FHIT: variants seen among roughly 807,000 people sequenced by gnomAD.
FHIT encodes the protein fragile histidine triad diadenosine triphosphatase.
FHIT carries 19 observed loss-of-function variants against 17.9 expected under a neutral mutation model. That is an observed-to-expected ratio of 1.06 (90% CI 0.74 to 1.56). The LOEUF is 1.56. Ranked by LOEUF, FHIT falls within the 40% of genes most tolerant of loss-of-function variation. The pLI, the probability that FHIT is intolerant of heterozygous loss-of-function variation, is 0.00. For synonymous variants in FHIT, 81 were observed against 69.7 expected (o/e 1.16, Z -0.81); for missense variants, 248 against 189.2 (o/e 1.31, Z -1.82).
intron 5 of FHIT, among the ~76,000 whole-genome samples, chr3:60,030,636 T>C (rs1467366526): frequency 1.3e-5 from 2 of 152,208 alleles, no homozygotes; most frequent in Non-Finnish European, 2.9e-5. Context: ...AAATCAGGAA[T>C]GTCTGCTTCT....
intron 3 of FHIT, among the ~76,000 whole-genome samples, chr3:60,875,114 A>T (rs1190059785): frequency 6.6e-6 from 1 of 152,066 alleles, no homozygotes; most frequent in Non-Finnish European, 1.5e-5. Context: ...CCAGGACCCA[A>T]ATCCCTCTAG....
At chr3:60,819,043 T>TC (rs1346405218) in intron 4 of FHIT, among the ~76,000 whole-genome samples, 16 of 151,334 alleles carry the variant, frequency 1.1e-4, no homozygotes, top group African/African-American at 3.6e-4. Context: ...CTTTTCTTTT[T>TC]TTTTTTTTTG....
intron 5 of FHIT, among the ~76,000 whole-genome samples, chr3:60,531,423 C>A (rs3856655): frequency 0.29 from 44,106 of 151,366 alleles, 6,635 homozygotes; most frequent in Admixed American, 0.35. Context: ...GGACTACAGG[C>A]GCCCGCTACC....
At chr3:60,159,041 T>C (rs950172217) in intron 5 of FHIT, among the ~76,000 whole-genome samples, 1 of 152,104 alleles carries the variant, frequency 6.6e-6, no homozygotes, top group Non-Finnish European at 1.5e-5. Context: ...CCTTTTTCAT[T>C]ATTACCCCCC....
intron 5 of FHIT, among the ~76,000 whole-genome samples, chr3:60,276,281 C>T (rs879257307): frequency 2.6e-5 from 4 of 152,144 alleles, no homozygotes; most frequent in Non-Finnish European, 5.9e-5. Context: ...CCACTGCACC[C>T]GGCCTGTTTT....
chr3:60,860,690 G>T (rs782293057), intron 3 of FHIT, among the ~76,000 whole-genome samples: 1 of 112,160 alleles, frequency 8.9e-6, no homozygotes, highest in African/African-American at 3.2e-5. Flanking sequence ...ATATATATCA[G>T]GTATATATGT....
rs1354396901 is a variant in FHIT at position 61,206,271 on chromosome 3, T to C, written c.-212-5606A>G. 2.3e-5 allele frequency among the ~76,000 whole-genome samples: 3 copies of C among 131,278 alleles called. 1 individual carries two copies. In the Admixed American group the frequency reaches 2.6e-4, roughly 11 times the overall value. 86.1% of individuals were successfully genotyped at this position (131,278 alleles called of 152,430 possible). ...TAGTGTGATGCCTCCAGCTCTGTTC[T>C]TTTGGCTTAGGATTGACTTGGTGAT... On this transcript the variant is annotated intron_variant, in intron 1 of 9. Coordinates refer to ENST00000492590, the MANE Select transcript of FHIT (RefSeq NM_002012.4).
intron 4 of FHIT, among the ~76,000 whole-genome samples, chr3:60,628,418 ATC>A (rs1185842900): frequency 8.5e-5 from 13 of 152,064 alleles, no homozygotes; most frequent in African/African-American, 2.9e-4. Flanking sequence ...TGAAGGTTTT[ATC>A]TCTTTCTCTG....
At chr3:61,037,235 T>TTG (rs1183951010) in intron 3 of FHIT, among the ~76,000 whole-genome samples, 1 of 152,126 alleles carries the variant, frequency 6.6e-6, no homozygotes, top group African/African-American at 2.4e-5. Context: ...TATGCAAACT[T>TTG]TGACCGCTTA....
In FHIT at chr3:60,524,420, C is replaced by A. The variant is rs78562836; in HGVS notation, c.103+12440G>T. On this transcript the variant is annotated intron_variant, in intron 5 of 9. Transcript: ENST00000492590. ...TATGTACATCTGGGGAATTGGCATTCCACGAAGAATAAACAGCTGCTGGTT... is the reference window on the plus strand; with the variant it reads ...TATGTACATCTGGGGAATTGGCATTACACGAAGAATAAACAGCTGCTGGTT... Among the ~76,000 whole-genome samples, 879 of 152,058 alleles carry A rather than the reference C, an allele frequency of 5.8e-3. 6 individuals are homozygous for A. The highest frequency in any genetic ancestry group is 0.021 in the African/African-American group (851 of 41,478).
chr3:60,960,677 C>G, intron 3 of FHIT, among the ~76,000 whole-genome samples: 1 of 152,164 alleles, frequency 6.6e-6, no homozygotes, highest in East Asian at 1.9e-4. Flanking sequence ...TGAGTGAGAA[C>G]ATGCAGTGTT....
intron 5 of FHIT, among the ~76,000 whole-genome samples, chr3:60,247,080 G>C (rs993007706): frequency 6.6e-6 from 1 of 152,112 alleles, no homozygotes; most frequent in African/African-American, 2.4e-5. Context: ...TGTCAATGAT[G>C]TGTCAGCTCA....
intron 8 of FHIT, among the ~76,000 whole-genome samples, chr3:59,872,812 G>C (rs1702982069): frequency 6.6e-6 from 1 of 152,128 alleles, no homozygotes; most frequent in Non-Finnish European, 1.5e-5. Context: ...CCACTAACCT[G>C]TCTTCCCTGG....
At chr3:60,643,179 C>T (rs1037682600) in intron 4 of FHIT, among the ~76,000 whole-genome samples, 7 of 152,086 alleles carry the variant, frequency 4.6e-5, no homozygotes, top group Non-Finnish European at 1.0e-4. Flanking sequence ...CAACAGTTTT[C>T]CACTCTAGAG....
intron 7 of FHIT, among the ~76,000 whole-genome samples, chr3:59,951,722 C>T (rs916486584): frequency 2.7e-5 from 4 of 149,928 alleles, no homozygotes; most frequent in African/African-American, 9.7e-5. Flanking sequence ...CTCCCCACTG[C>T]TGGGATCAAT....
intron 2 of FHIT, among the ~76,000 whole-genome samples, chr3:61,155,511 G>T (rs1417248582): frequency 6.6e-6 from 1 of 152,014 alleles, no homozygotes; most frequent in Non-Finnish European, 1.5e-5. Flanking sequence ...TGAGAGACCA[G>T]TATAATGAAG....
chr3:61,007,596 A>G (rs2031534974), intron 3 of FHIT, among the ~76,000 whole-genome samples: 1 of 152,232 alleles, frequency 6.6e-6, no homozygotes, highest in Non-Finnish European at 1.5e-5. Context: ...AGGAGTCAAT[A>G]GTTACAATGC....
At chr3:59,866,840 C>T (rs539215061) in intron 8 of FHIT, among the ~76,000 whole-genome samples, 1 of 152,168 alleles carries the variant, frequency 6.6e-6, no homozygotes, top group South Asian at 2.1e-4. Context: ...AGCGGGTTTG[C>T]CACTGTCTCT....
chr3:60,670,578 C>T (rs782742111), intron 4 of FHIT, among the ~76,000 whole-genome samples: 2 of 152,074 alleles, frequency 1.3e-5, no homozygotes, highest in Non-Finnish European at 2.9e-5. Context: ...GAGAATGTGA[C>T]CAGGAGAACT....
Sources: allele counts gnomAD v4.1 joint callset (sites outside exome capture counted in the v4.1 genomes callset), GRCh38; gene constraint gnomAD v4.1.1; transcripts MANE v1.5; gene names NCBI Gene and HGNC (gene_info 2026-07-23, HGNC 2026-07-21).